ANKRD26: variants seen among roughly 807,000 people sequenced by gnomAD.
The protein encoded by ANKRD26 is ankyrin repeat domain-containing protein 26.
Under a neutral mutation model 208.7 loss-of-function variants are expected in ANKRD26, and 141 were observed. The ratio of observed to expected loss-of-function variants is 0.68; its 90% CI spans 0.59 to 0.78. ANKRD26 has a LOEUF of 0.78. Ranked by LOEUF, ANKRD26 falls within the 30% of genes least tolerant of loss-of-function variation. ANKRD26 has a pLI of 0.00. For missense variants in ANKRD26, 1,889 were observed against 1,938.7 expected (o/e 0.97, Z 0.48); for synonymous variants, 636 against 660.4 (o/e 0.96, Z 0.57).
chr10:26,971,769 A>C (rs998125049), downstream of ANKRD26, among the ~76,000 whole-genome samples: 44 of 152,088 alleles, frequency 2.9e-4, no homozygotes, highest in Admixed American at 2.6e-4. Flanking sequence ...TTCCAGCAAT[A>C]ATCTTACCTT....
At position 27,005,683 on chromosome 10, in the gene ANKRD26, T is replaced by A. The variant is rs775645789; in HGVS notation, c.5040A>T (p.Leu1680=). The change falls in exon 34 of 34, where the codon CTA becomes CTT. Residue 1680 remains leucine, a synonymous_variant. Coordinates refer to ENST00000376087, the MANE Select transcript of ANKRD26 (RefSeq NM_014915.3). Reference sequence around the variant, plus strand: ...TTAGATTTGACTCATCAGTAGACCCTAGAGGGGAAGCTATTGATCCAGATT... The same window carrying A: ...TTAGATTTGACTCATCAGTAGACCCAAGAGGGGAAGCTATTGATCCAGATT... ...ELESGSIASP[L]GSTDESNLNQ... is the part of the protein sequence containing the mutation. 5.0e-6 allele frequency: 8 copies of A among 1,612,296 alleles called. No individual in the cohort carries two copies. The South Asian group carries it at 8.8e-5, about 18-fold the overall frequency.
At chr10:26,965,361 G>A in the ANKRD26 span, among the ~76,000 whole-genome samples, 5 of 152,226 alleles carry the variant, frequency 3.3e-5, no homozygotes, top group South Asian at 4.1e-4. Context: ...TGACAAACCT[G>A]ACAAAAACAA....
At chr10:27,082,207 A>T (rs2055946621) in intron 6 of ANKRD26, among the ~76,000 whole-genome samples, 1 of 152,186 alleles carries the variant, frequency 6.6e-6, no homozygotes, top group South Asian at 2.1e-4. Flanking sequence ...ACTGGATGCT[A>T]AATATAATTA....
chr10:26,969,295 C>G (rs899793254), downstream of ANKRD26, among the ~76,000 whole-genome samples: 1 of 152,104 alleles, frequency 6.6e-6, no homozygotes, highest in Admixed American at 6.5e-5. Context: ...TCCTGGAAAC[C>G]CTGGGGAATA....
chr10:27,029,594 C>T (rs1298901340), intron 25 of ANKRD26, among the ~76,000 whole-genome samples: 1 of 152,066 alleles, frequency 6.6e-6, no homozygotes, highest in Non-Finnish European at 1.5e-5. Flanking sequence ...TATCAACCTG[C>T]GTTCTAGAAC....
At chr10:27,083,671 A>T (rs2056009274) in intron 5 of ANKRD26, among the ~76,000 whole-genome samples, 1 of 152,262 alleles carries the variant, frequency 6.6e-6, no homozygotes, top group African/African-American at 2.4e-5. Flanking sequence ...TAGTCCAAGG[A>T]TTAGTGACAA....
intron 3 of ANKRD26, among the ~76,000 whole-genome samples, chr10:26,986,445 A>C (rs1438801680): frequency 2.0e-5 from 3 of 152,130 alleles, no homozygotes; most frequent in Non-Finnish European, 2.9e-5. Flanking sequence ...TAATTAAACT[A>C]AAGAGCTTCT....
rs1473327957 is a variant in ANKRD26, at chr10:27,017,657, T to A, written c.4351A>T (p.Lys1451Ter). 1 of 1,613,564 alleles carries A rather than the reference T, an allele frequency of 6.2e-7. No homozygotes were observed. Among genetic ancestry groups the A allele is most frequent in the African/African-American group, 1.3e-5 (1 of 74,926 alleles). ...ATCACTTCTTGTTCCAACTTCTTTT[T>A]ATTCTTCTGTAGTTTTTCACATTTC... ...QKKCEKLQKN[K>*]KKLEQEVINL... The change falls in exon 30 of 34, where the codon AAA becomes TAA. Residue 1451 changes from lysine to a stop codon, truncating the protein, a stop_gained. Transcript: ENST00000376087. LOFTEE classifies it high-confidence loss of function.
At chr10:26,979,940 T>C (rs61851007) in intron 5 of ANKRD26, among the ~76,000 whole-genome samples, 1 of 147,558 alleles carries the variant, frequency 6.8e-6, no homozygotes, top group East Asian at 2.0e-4. Context: ...GTTTTTTTTT[T>C]CCTTTATCAT....
intron 32 of ANKRD26, among the ~76,000 whole-genome samples, chr10:27,010,154 A>C (rs78134457): frequency 0.016 from 2,508 of 152,288 alleles, 155 homozygotes; most frequent in East Asian, 0.16. Context: ...CTTTCAAAAA[A>C]ATTTTTTTAA....
At chr10:27,037,817 A>T (rs1007513704) in intron 22 of ANKRD26, 54 bp downstream of exon 22, 4 of 1,348,828 alleles carry the variant, frequency 3.0e-6, no homozygotes, top group Non-Finnish European at 1.0e-6. Flanking sequence ...AGGATGTGAT[A>T]ATAGTGATGA....
intron 4 of ANKRD26, among the ~76,000 whole-genome samples, chr10:26,996,628 G>A (rs1362177271): frequency 6.6e-6 from 1 of 152,150 alleles, no homozygotes; most frequent in African/African-American, 2.4e-5. Flanking sequence ...GTAGGGCTTG[G>A]TACAGGGAAT....
chr10:26,974,844 C>T (rs187812338), exon 6 of ANKRD26, among the ~76,000 whole-genome samples: 1 of 152,326 alleles, frequency 6.6e-6, no homozygotes, highest in Admixed American at 6.5e-5. Flanking sequence ...TTCCTTCTGG[C>T]TTCTATTGTT....
chr10:27,039,919 T>C lies in ANKRD26; in HGVS notation c.2375+46A>G, dbSNP rs754895611. ...AGCAATTACAAGAATTCTATATATC[T>C]TTAGTACAAATAGTTAAACATTTCT... On this transcript the variant is annotated intron_variant, in intron 21 of 33. Transcript: ENST00000376087. 4 of 1,548,684 alleles carry C rather than the reference T, an allele frequency of 2.6e-6. No individual in the cohort carries two copies. The South Asian group carries it at 3.3e-5, about 13-fold the overall frequency.
Position 27,005,076 on chromosome 10 carries a change from TAAAC to T in ANKRD26, c.*510_*513del, listed in dbSNP as rs1253019716. 3 of 984,766 alleles carry T rather than the reference TAAAC, an allele frequency of 3.0e-6. No homozygotes were observed. In the African/African-American group the frequency reaches 5.2e-5, roughly 17 times the overall value. 61.0% of individuals were successfully genotyped at this position (984,766 alleles called of 1,614,324 possible). A position where few individuals can be genotyped will look rare whatever the true frequency, so the allele number is the denominator to read the frequency against. On this transcript the variant is annotated 3_prime_UTR_variant, in exon 34 of 34. Coordinates refer to ENST00000376087, the MANE Select transcript of ANKRD26 (RefSeq NM_014915.3). Reference sequence around the variant, plus strand: ...TTCCAAAAGGTTAATTAAAAATAAATAAACAAACAGAAAAGGTGAATCAGGCAAA... The same window carrying T: ...TTCCAAAAGGTTAATTAAAAATAAATAAACAGAAAAGGTGAATCAGGCAAA...
intron 30 of ANKRD26, 103 bp from the exon 31 acceptor site, chr10:27,014,814 C>T (rs2053237503): frequency 1.1e-6 from 1 of 885,600 alleles, no homozygotes; most frequent in Non-Finnish European, 1.8e-6. Flanking sequence ...ACCCAAACTC[C>T]AAAAAGAGAA....
At position 27,044,173 on chromosome 10, in the gene ANKRD26, G is replaced by A. The variant is rs767863138; in HGVS notation, c.2003C>T (p.Ser668Phe). ...EDEGRPTKKT[S>F]NEKNKVKNQI... Reference sequence around the variant, plus strand: ...TTACAGTACCTTGTTCTTTTCATTAGATGTTTTCTTAGTAGGCCTAAAAAA... The same window carrying A: ...TTACAGTACCTTGTTCTTTTCATTAAATGTTTTCTTAGTAGGCCTAAAAAA... Residue 668 changes from serine to phenylalanine, a missense_variant, in exon 19 of 34, where the codon TCT becomes TTT. By Grantham distance (155) the Ser-to-Phe change is radical (BLOSUM62 -2). This residue lies in a region of ANKRD26 where 1,272 missense variants were observed against 1,273.8 expected (regional missense o/e 1.00). Transcript: ENST00000376087. The A allele has an allele frequency of 9.2e-6, 13 of 1,417,116 alleles. No homozygotes were observed. Among genetic ancestry groups the A allele is most frequent in the South Asian group, 1.2e-5 (1 of 81,118 alleles). 87.8% of individuals were successfully genotyped at this position (1,417,116 alleles called of 1,614,324 possible). A position where few individuals can be genotyped will look rare whatever the true frequency, so the allele number is the denominator to read the frequency against.
rs566562484 is a variant in ANKRD26 at position 27,017,057 on chromosome 10, C to T, written c.4506+445G>A. Among the ~76,000 whole-genome samples, 20 of 152,196 alleles carry T rather than the reference C, an allele frequency of 1.3e-4. No individual in the cohort carries two copies. In the East Asian group the frequency reaches 1.4e-3, roughly 10 times the overall value. On this transcript the variant is annotated intron_variant, in intron 30 of 33. Transcript: ENST00000376087. Reference sequence around the variant, plus strand: ...AAGAATTAAAAATTTAGCCAGGCATCGTGATGTGCACCTGTAGTCCCAGCT... The same window carrying T: ...AAGAATTAAAAATTTAGCCAGGCATTGTGATGTGCACCTGTAGTCCCAGCT...
rs745562176 is a variant in ANKRD26 at position 27,077,527 on chromosome 10, A to G, written c.888T>C (p.Tyr296=). ...TTCTATTTCCTGTTCTCACAGTGCCATATGTTGCTTCTACTACAGTAAAAA... is the reference window on the plus strand; with the variant it reads ...TTCTATTTCCTGTTCTCACAGTGCCGTATGTTGCTTCTACTACAGTAAAAA... ...QQSRKNLEAT[Y]GTVRTGNRTL... The change falls in exon 9 of 34, where the codon TAT becomes TAC. Residue 296 remains tyrosine (Y), a synonymous_variant. Coordinates refer to ENST00000376087, the MANE Select transcript of ANKRD26 (RefSeq NM_014915.3). 89 of 1,614,012 alleles carry G rather than the reference A, an allele frequency of 5.5e-5. 3 individuals are homozygous for G. In the South Asian group the frequency reaches 9.1e-4, roughly 17 times the overall value.
Sources: gnomAD v4.1 joint callset for allele counts (sites outside exome capture counted in the v4.1 genomes callset) on GRCh38, gnomAD v4.1.1 for gene constraint, gnomAD v4.1.1 regional missense constraint, MANE v1.5 for transcripts, NCBI Gene and HGNC (gene_info 2026-07-23, HGNC 2026-07-21) for gene names.